The following RTKN2 variants were observed in gnomAD, a reference collection of about 807,000 sequenced individuals.
RTKN2 encodes rhotekin 2.
Under a neutral mutation model 71.5 loss-of-function variants are expected in RTKN2, and 69 were observed. The ratio of observed to expected loss-of-function variants is 0.96; its 90% CI spans 0.79 to 1.18. RTKN2 has a LOEUF of 1.18. Among genes scored for constraint, RTKN2 ranks in the 50% most tolerant of loss-of-function variants. The pLI, the probability that RTKN2 is intolerant of heterozygous loss-of-function variation, is 0.00. For missense variants in RTKN2, 724 were observed against 719.7 expected, an observed-to-expected ratio of 1.01 and a Z score of -0.07; for synonymous variants, 236 against 236.5, an observed-to-expected ratio of 1.00 and a Z score of 0.02.
In RTKN2 at chr10:62,239,516, C is replaced by T. The variant is rs1842326861; in HGVS notation, c.488+132G>A. The T allele has an allele frequency of 6.4e-6, 3 of 470,278 alleles. No homozygotes were observed. The Admixed American group carries it at 1.2e-4, about 19-fold the overall frequency. The allele number at this position is 470,278 out of a possible 1,614,324, so 29.1% of individuals were successfully genotyped here. A position where few individuals can be genotyped will look rare whatever the true frequency, so the allele number is the denominator to read the frequency against. On this transcript the variant is annotated intron_variant, in intron 5 of 11. Coordinates refer to ENST00000373789, the MANE Select transcript of RTKN2 (RefSeq NM_145307.4). ...TTCTGAACAAAATGATTTTTAAAAT[C>T]ATATTAAACATTTAAAGATCACTTA...
At chr10:62,257,024 C>T (rs3852407) in intron 2 of RTKN2, among the ~76,000 whole-genome samples, 111,055 of 151,746 alleles carry the variant, frequency 0.73, 40,846 homozygotes, top group East Asian at 0.9. Context: ...GCTCATCATA[C>T]ACATTAAGGG....
At chr10:62,207,526 A>G (rs1490141914) in intron 9 of RTKN2, among the ~76,000 whole-genome samples, 1 of 150,006 alleles carries the variant, frequency 6.7e-6, no homozygotes, top group African/African-American at 2.4e-5. Flanking sequence ...CTGTGGAAAA[A>G]TATCAACAAT....
intron 5 of RTKN2, among the ~76,000 whole-genome samples, chr10:62,237,714 G>A (rs547767995): frequency 6.6e-6 from 1 of 151,488 alleles, no homozygotes; most frequent in South Asian, 2.1e-4. Flanking sequence ...CCCCACTTTT[G>A]TACCTAATAA....
chr10:62,210,738 G>A (rs1265221180), intron 9 of RTKN2, among the ~76,000 whole-genome samples: 1 of 152,186 alleles, frequency 6.6e-6, no homozygotes, highest in South Asian at 2.1e-4. Context: ...AACCAACCAT[G>A]AGGTATGATT....
intron 9 of RTKN2, among the ~76,000 whole-genome samples, chr10:62,205,414 C>A (rs756675694): frequency 2.6e-5 from 4 of 151,966 alleles, no homozygotes; most frequent in Non-Finnish European, 5.9e-5. Flanking sequence ...ACATGTTAAC[C>A]ATATTTCAAA....
At chr10:62,237,202 C>G (rs1842276976) in intron 5 of RTKN2, among the ~76,000 whole-genome samples, 1 of 151,720 alleles carries the variant, frequency 6.6e-6, no homozygotes, top group Non-Finnish European at 1.5e-5. Flanking sequence ...TTATATGTAT[C>G]CTGTAACATC....
At chr10:62,224,909 C>G (rs944390259) in intron 6 of RTKN2, among the ~76,000 whole-genome samples, 1 of 152,128 alleles carries the variant, frequency 6.6e-6, no homozygotes, top group African/African-American at 2.4e-5. Flanking sequence ...ATGAGCTCAC[C>G]TGGAGGCTCT....
At chr10:62,236,001 T>C (rs1052132812) in intron 6 of RTKN2, 65 bp downstream of exon 6, 2 of 1,158,182 alleles carry the variant, frequency 1.7e-6, no homozygotes, top group African/African-American at 1.6e-5. Context: ...ACACTTCACA[T>C]ATAATACTTT....
chr10:62,217,276 A>C (rs778212867), intron 8 of RTKN2, 27 bp from the exon 9 acceptor site: 165 of 1,464,404 alleles, frequency 1.1e-4, no homozygotes, highest in Non-Finnish European at 1.5e-4. Context: ...AAAAATCAAG[A>C]GACTATCAAT....
Position 62,212,083 on chromosome 10 carries a change from T to C in RTKN2, c.1020+5035A>G, listed in dbSNP as rs193196252. 2.6e-4 allele frequency among the ~76,000 whole-genome samples: 37 copies of C among 142,880 alleles called. 1 individual carries two copies. Among genetic ancestry groups the C allele is most frequent in the Admixed American group, 1.0e-3 (14 of 13,538 alleles). The allele number at this position is 142,880 out of a possible 152,430, so 93.7% of individuals were successfully genotyped here. A position where few individuals can be genotyped will look rare whatever the true frequency, so the allele number is the denominator to read the frequency against. ...TTGTTCGAGACCACCCTGGGCAACATGGTGAAACTCCATCTCTACTTAAAA... is the reference window on the plus strand; with the variant it reads ...TTGTTCGAGACCACCCTGGGCAACACGGTGAAACTCCATCTCTACTTAAAA... On this transcript the variant is annotated intron_variant, in intron 9 of 11. Coordinates refer to ENST00000373789, the MANE Select transcript of RTKN2 (RefSeq NM_145307.4).
In RTKN2 at chr10:62,217,148, C is replaced by T. The variant is rs376334977; in HGVS notation, c.990G>A (p.Val330=). 8.8e-6 allele frequency: 14 copies of T among 1,584,588 alleles called. No homozygotes were observed. The highest frequency in any genetic ancestry group is 1.2e-5 in the Non-Finnish European group (14 of 1,168,072). Residue 330 remains valine, a synonymous_variant, in exon 9 of 12, where the codon GTG becomes GTA. Coordinates refer to ENST00000373789, the MANE Select transcript of RTKN2 (RefSeq NM_145307.4). ...FYSPEEIEAK[V]EPALVVPINK... ...TAATGGGTACTACCAAAGCTGGTTC[C>T]ACTTTAGCTTCAATTTCCTCTGGAC...
intron 9 of RTKN2, among the ~76,000 whole-genome samples, chr10:62,209,630 G>A (rs752506349): frequency 9.2e-5 from 14 of 152,004 alleles, no homozygotes; most frequent in African/African-American, 2.9e-4. Flanking sequence ...CACACTCTCC[G>A]ATAGGCCTCA....
At chr10:62,264,761 G>T (rs1842838757) in intron 1 of RTKN2, among the ~76,000 whole-genome samples, 1 of 152,150 alleles carries the variant, frequency 6.6e-6, no homozygotes, top group Non-Finnish European at 1.5e-5. Flanking sequence ...AGGCAGAGAG[G>T]AAGGGCCTTA....
chr10:62,260,023 T>C (rs1359010558), intron 2 of RTKN2, among the ~76,000 whole-genome samples: 1 of 152,240 alleles, frequency 6.6e-6, no homozygotes, highest in Non-Finnish European at 1.5e-5. Context: ...TTAGTGTCTA[T>C]ACTTATTTTT....
At chr10:62,235,267 G>C (rs1842231913) in intron 6 of RTKN2, among the ~76,000 whole-genome samples, 2 of 152,056 alleles carry the variant, frequency 1.3e-5, no homozygotes, top group Admixed American at 1.3e-4. Flanking sequence ...TATGAATACA[G>C]ACTGGATATT....
chr10:62,259,181 A>C (rs1340058901), intron 2 of RTKN2: 1 of 453,376 alleles, frequency 2.2e-6, no homozygotes, highest in African/African-American at 2.0e-5. Context: ...GCCTGCTGAC[A>C]TGTAAGAGAT....
chr10:62,258,873 T>C (rs1842721591), intron 2 of RTKN2, among the ~76,000 whole-genome samples: 1 of 152,070 alleles, frequency 6.6e-6, no homozygotes, highest in Non-Finnish European at 1.5e-5. Context: ...GAGTGGGAGA[T>C]GGAGGTACAT....
intron 2 of RTKN2, among the ~76,000 whole-genome samples, chr10:62,250,513 T>G (rs1162716275): frequency 6.6e-6 from 1 of 152,208 alleles, no homozygotes; most frequent in East Asian, 1.9e-4. Context: ...AGAAACCAAA[T>G]ACAGTATTCT....
At chr10:62,189,801 G>A (rs1233519332), downstream of RTKN2, among the ~76,000 whole-genome samples, 3 of 151,932 alleles carry the variant, frequency 2.0e-5, no homozygotes, top group South Asian at 2.1e-4. Context: ...TGTAGTCCAG[G>A]CTGGGCAACA....
Sources: allele counts gnomAD v4.1 joint callset (sites outside exome capture counted in the v4.1 genomes callset), GRCh38; gene constraint gnomAD v4.1.1; transcripts MANE v1.5; gene names NCBI Gene and HGNC (gene_info 2026-07-23, HGNC 2026-07-21).